The following CHP1 variants were observed in gnomAD, a reference collection of about 807,000 sequenced individuals.
The protein encoded by CHP1 is calcineurin B homologous protein 1.
In CHP1, 11 loss-of-function variants were observed where a neutral mutation model predicts 27.4. That is an observed-to-expected ratio of 0.40 (90% CI 0.25 to 0.67). The LOEUF (loss-of-function observed/expected upper bound fraction) is 0.67. Ranked by LOEUF, CHP1 falls within the 30% of genes least tolerant of loss-of-function variation. The pLI, the probability that CHP1 is intolerant of heterozygous loss-of-function variation, is 0.38. For synonymous variants in CHP1, 89 were observed against 87.4 expected, an observed-to-expected ratio of 1.02 and a Z score of -0.10; for missense variants, 169 against 251.3, an observed-to-expected ratio of 0.67 and a Z score of 2.22.
intron 2 of CHP1, among the ~76,000 whole-genome samples, chr15:41,245,955 T>C (rs58547976): frequency 0.13 from 19,960 of 152,240 alleles, 1,526 homozygotes; most frequent in South Asian, 0.26. Context: ...TTAAGGTCTT[T>C]TGATTTATTT....
intron 2 of CHP1, among the ~76,000 whole-genome samples, chr15:41,249,705 C>T (rs1007587552): frequency 2.6e-5 from 4 of 151,978 alleles, no homozygotes; most frequent in African/African-American, 9.7e-5. Context: ...ATCTCCTGAC[C>T]TTGTGATCCA....
chr15:41,241,027 A>G (rs1013851353), intron 1 of CHP1, among the ~76,000 whole-genome samples: 1 of 152,006 alleles, frequency 6.6e-6, no homozygotes, highest in African/African-American at 2.4e-5. Context: ...AGATTTTTGT[A>G]TTTTTAGTAG....
At chr15:41,246,482 G>A (rs561892038) in intron 2 of CHP1, among the ~76,000 whole-genome samples, 1 of 151,530 alleles carries the variant, frequency 6.6e-6, no homozygotes, top group South Asian at 2.1e-4. Flanking sequence ...ACCACGCCCT[G>A]CTAATTTCTG....
chr15:41,256,814 A>G (rs1595477217), intron 2 of CHP1, 96 bp from the exon 3 acceptor site: 1 of 940,918 alleles, frequency 1.1e-6, no homozygotes, highest in East Asian at 2.4e-5. Context: ...CCAGGAGGTA[A>G]TATTCTTGCT....
intron 5 of CHP1, among the ~76,000 whole-genome samples, chr15:41,275,774 G>C (rs1182461112): frequency 6.6e-6 from 1 of 151,916 alleles, no homozygotes; most frequent in Non-Finnish European, 1.5e-5. Flanking sequence ...GGAGTGCAAT[G>C]GTGCAATTTT....
chr15:41,236,310 G>A (rs144470442), intron 1 of CHP1, among the ~76,000 whole-genome samples: 3,882 of 152,180 alleles, frequency 0.026, 89 homozygotes, highest in South Asian at 0.071. Context: ...CATCCAGGCT[G>A]GAGTGCAATG....
At chr15:41,236,762 G>A (rs2047278930) in intron 1 of CHP1, among the ~76,000 whole-genome samples, 1 of 151,960 alleles carries the variant, frequency 6.6e-6, no homozygotes, top group East Asian at 1.9e-4. Flanking sequence ...CTTAAGTATT[G>A]GGATGGTTTT....
intron 2 of CHP1, among the ~76,000 whole-genome samples, chr15:41,254,586 T>A (rs1270416738): frequency 6.6e-6 from 1 of 152,236 alleles, no homozygotes; most frequent in Non-Finnish European, 1.5e-5. Flanking sequence ...ATGAATGACT[T>A]CTTCTGGTTC....
chr15:41,270,666 A>G (rs2047484232), intron 5 of CHP1, 48 bp downstream of exon 5: 6 of 1,395,562 alleles, frequency 4.3e-6, no homozygotes, highest in Non-Finnish European at 5.1e-6. Flanking sequence ...CTGCCTGCTT[A>G]TTAGTGTGGG....
Position 41,263,910 on chromosome 15 carries a change from A to G in CHP1, c.349+1027A>G, listed in dbSNP as rs538723644. 7.2e-5 allele frequency among the ~76,000 whole-genome samples: 11 copies of G among 152,198 alleles called. No individual in the cohort carries two copies. In the South Asian group the frequency reaches 1.7e-3, roughly 23 times the overall value. ...AACAAAACAAAATCTTCGAAATAGCACTAGTGGATTTGGGCGTTACATGGT... is the reference window on the plus strand; with the variant it reads ...AACAAAACAAAATCTTCGAAATAGCGCTAGTGGATTTGGGCGTTACATGGT... On this transcript the variant is annotated intron_variant, in intron 4 of 6. Transcript: ENST00000334660.
chr15:41,248,018 A>G (rs1294440993), intron 2 of CHP1, among the ~76,000 whole-genome samples: 1 of 152,132 alleles, frequency 6.6e-6, no homozygotes, highest in Non-Finnish European at 1.5e-5. Flanking sequence ...ATAAGTATCT[A>G]AGTAAGATTT....
chr15:41,238,721 A>G (rs916384366), intron 1 of CHP1, among the ~76,000 whole-genome samples: 2 of 148,834 alleles, frequency 1.3e-5, no homozygotes, highest in African/African-American at 2.5e-5. Flanking sequence ...TGGTGGTGGC[A>G]GGTACCTGTA....
At chr15:41,235,945 G>T (rs1186172924) in intron 1 of CHP1, among the ~76,000 whole-genome samples, 1 of 152,112 alleles carries the variant, frequency 6.6e-6, no homozygotes, top group Non-Finnish European at 1.5e-5. Context: ...AACTGGTTTT[G>T]GGTTAAGTGA....
At chr15:41,231,906 C>T (rs1370077034) in intron 1 of CHP1, among the ~76,000 whole-genome samples, 2 of 152,110 alleles carry the variant, frequency 1.3e-5, no homozygotes, top group Admixed American at 6.6e-5. Flanking sequence ...CAAACAAGTT[C>T]TTGTCACAAA....
chr15:41,262,365 G>C (rs1031895985), intron 3 of CHP1, among the ~76,000 whole-genome samples: 1 of 152,076 alleles, frequency 6.6e-6, no homozygotes, highest in African/African-American at 2.4e-5. Context: ...GGTGGCTGAG[G>C]AGTCATTGGG....
At chr15:41,266,246 G>A (rs2047459762) in intron 4 of CHP1, among the ~76,000 whole-genome samples, 1 of 151,974 alleles carries the variant, frequency 6.6e-6, no homozygotes, top group Admixed American at 6.6e-5. Context: ...TCACGCTATT[G>A]CACTCCAGAC....
chr15:41,240,453 T>TA (rs1364015005), intron 1 of CHP1, among the ~76,000 whole-genome samples: 1 of 152,142 alleles, frequency 6.6e-6, no homozygotes, highest in African/African-American at 2.4e-5. Context: ...GAGTAACTGA[T>TA]ATTAGATGAT....
At chr15:41,239,796 GAC>G (rs767871254) in intron 1 of CHP1, among the ~76,000 whole-genome samples, 25 of 150,624 alleles carry the variant, frequency 1.7e-4, no homozygotes, top group Non-Finnish European at 1.9e-4. Context: ...ATTTTTTCGA[GAC>G]AGAGTCTCCT....
intron 3 of CHP1, 68 bp from the exon 4 acceptor site, chr15:41,262,688 A>G: frequency 2.5e-6 from 4 of 1,586,238 alleles, no homozygotes; most frequent in Non-Finnish European, 2.6e-6. Context: ...TGTTGCCAGT[A>G]TATTTAATTC....
Sources: allele counts gnomAD v4.1 joint callset (sites outside exome capture counted in the v4.1 genomes callset), GRCh38; gene constraint gnomAD v4.1.1; transcripts MANE v1.5; gene names NCBI Gene and HGNC (gene_info 2026-07-23, HGNC 2026-07-21).